SLFN12L: variants seen among roughly 807,000 people sequenced by gnomAD.
SLFN12L encodes the protein schlafen family member 12 like, also known as schlafen family member 12-like.
In SLFN12L, 34 loss-of-function variants were observed where a neutral mutation model predicts 34.8. The ratio of observed to expected loss-of-function variants is 0.98; its 90% confidence interval spans 0.74 to 1.30. SLFN12L has a LOEUF of 1.30. Among genes scored for constraint, SLFN12L ranks in the 50% most tolerant of loss-of-function variants. The pLI, the probability that SLFN12L is intolerant of heterozygous loss-of-function variation, is 0.00. For synonymous variants in SLFN12L, 259 were observed against 247.5 expected (o/e 1.05, Z -0.44); for missense variants, 703 against 696.2 (o/e 1.01, Z -0.11).
chr17:35,490,190 G>A (rs1914778137), intron 2 of SLFN12L: 2 of 1,602,274 alleles, frequency 1.2e-6, no homozygotes, highest in African/African-American at 2.7e-5. Context: ...ACCAGCGCTG[G>A]GACGAGGCGG....
chr17:35,503,703 T>C (rs890729927), intron 2 of SLFN12L, among the ~76,000 whole-genome samples: 2 of 152,138 alleles, frequency 1.3e-5, no homozygotes, highest in Non-Finnish European at 2.9e-5. Context: ...ACTTGCTTTA[T>C]CTTCCACTTT....
chr17:35,484,761 G>C (rs1914508867), intron 2 of SLFN12L, among the ~76,000 whole-genome samples: 3 of 152,142 alleles, frequency 2.0e-5, no homozygotes, highest in African/African-American at 7.2e-5. Flanking sequence ...CCAGGATGGT[G>C]CTGATAATGC....
At chr17:35,485,073 T>C (rs1274095289) in intron 2 of SLFN12L, among the ~76,000 whole-genome samples, 1 of 152,240 alleles carries the variant, frequency 6.6e-6, no homozygotes, top group African/African-American at 2.4e-5. Flanking sequence ...AAATCAATAG[T>C]AATGTCTCTT....
intron 2 of SLFN12L, among the ~76,000 whole-genome samples, chr17:35,493,277 T>C (rs1005017024): frequency 1.3e-5 from 2 of 152,220 alleles, no homozygotes; most frequent in African/African-American, 2.4e-5. Flanking sequence ...GTAAAGTGCC[T>C]ACTGGAAATG....
intron 1 of SLFN12L, among the ~76,000 whole-genome samples, chr17:35,528,926 A>AT (rs1324822955): frequency 6.6e-6 from 1 of 152,216 alleles, no homozygotes; most frequent in African/African-American, 2.4e-5. Flanking sequence ...ATGGGAAAAA[A>AT]TTTTTGCAAT....
At chr17:35,530,508 G>GAAAGAAAGAAAGAAAAGA (rs1555545979) in intron 1 of SLFN12L, among the ~76,000 whole-genome samples, 3 of 32,756 alleles carry the variant, frequency 9.2e-5, no homozygotes, top group Non-Finnish European at 2.6e-4. Flanking sequence ...AAGAAAGAAA[G>GAAAGAAAGAAAGAAAAGA]AAAGAAAAGA....
chr17:35,465,155 C>T lies in SLFN12L; in HGVS notation c.*9768G>A, dbSNP rs1913702845. Among the ~76,000 whole-genome samples, 1 of 152,228 alleles carries T rather than the reference C, an allele frequency of 6.6e-6. No individual in the cohort carries two copies. The highest frequency in any genetic ancestry group is 2.4e-5 in the African/African-American group (1 of 41,456). ...TCGGCCTCCCAAAGTGCTGGGATTA[C>T]AGGCGTGAGCCACCACGCCTGGCCA... On this transcript the variant is annotated 3_prime_UTR_variant, in exon 5 of 5. Coordinates refer to ENST00000628453, the MANE Select transcript of SLFN12L (RefSeq NM_001363830.2).
intron 2 of SLFN12L, among the ~76,000 whole-genome samples, chr17:35,519,252 A>G (rs933215259): frequency 3.9e-5 from 6 of 152,204 alleles, no homozygotes; most frequent in Non-Finnish European, 7.3e-5. Context: ...ACGGCTTAAA[A>G]TCTAGATGAC....
At chr17:35,476,797 A>T (rs561450970) in intron 4 of SLFN12L, among the ~76,000 whole-genome samples, 112 of 152,288 alleles carry the variant, frequency 7.4e-4, no homozygotes, top group African/African-American at 2.5e-3. Flanking sequence ...AAAAAAAAAA[A>T]AAATGTGTAA....
rs1223410504 is a variant in SLFN12L at position 35,471,899 on chromosome 17, T to G, written c.*3024A>C. 6.6e-6 allele frequency among the ~76,000 whole-genome samples: 1 copy of G among 152,168 alleles called. No individual in the cohort carries two copies. Among genetic ancestry groups the G allele is most frequent in the Non-Finnish European group, 1.5e-5 (1 of 68,022 alleles). On this transcript the variant is annotated 3_prime_UTR_variant, in exon 5 of 5. Coordinates refer to ENST00000628453, the MANE Select transcript of SLFN12L (RefSeq NM_001363830.2). ...GTCTATTCATATCCTTTATCCACTT[T>G]TCAATGGGGTTGTTTTTTCCTTGTA...
intron 1 of SLFN12L, among the ~76,000 whole-genome samples, chr17:35,530,486 A>C (rs1164386467): frequency 3.7e-5 from 2 of 53,922 alleles, no homozygotes; most frequent in African/African-American, 1.1e-4. Context: ...GAAAGAAAGA[A>C]AGAAAGAAAG....
intron 1 of SLFN12L, among the ~76,000 whole-genome samples, chr17:35,530,117 C>CTT (rs35836415): frequency 0.016 from 1,784 of 109,436 alleles, 35 homozygotes; most frequent in African/African-American, 0.032. Context: ...ACTGCTTTGT[C>CTT]TTTTTTTTTT....
intron 3 of SLFN12L, chr17:35,478,537 T>C (rs866173889): frequency 5.2e-5 from 10 of 193,620 alleles, no homozygotes; most frequent in Middle Eastern, 2.0e-3. Flanking sequence ...ATGCAGATTC[T>C]GAGGAACAAG....
At chr17:35,490,992 T>C in intron 2 of SLFN12L, 3 of 787,648 alleles carry the variant, frequency 3.8e-6, no homozygotes, top group Non-Finnish European at 2.3e-6. Flanking sequence ...TCAATTTCTA[T>C]GGGAAACCTT....
chr17:35,535,158 T>C (rs917336910), intron 1 of SLFN12L, among the ~76,000 whole-genome samples: 4 of 152,028 alleles, frequency 2.6e-5, no homozygotes, highest in South Asian at 2.1e-4. Flanking sequence ...AATGCTAGTG[T>C]TTCTAATCAA....
chr17:35,476,502 GAA>G (rs1423325059), intron 4 of SLFN12L, among the ~76,000 whole-genome samples: 7 of 148,964 alleles, frequency 4.7e-5, no homozygotes, highest in African/African-American at 1.8e-4. Flanking sequence ...AGGAAGGAAG[GAA>G]GGAAGGAAGG....
chr17:35,490,312 A>G (rs1054766234), intron 2 of SLFN12L: 10 of 1,452,028 alleles, frequency 6.9e-6, no homozygotes, highest in Non-Finnish European at 8.7e-6. Flanking sequence ...TAAGAAGTCC[A>G]GATACTCCAA....
At chr17:35,503,349 G>T (rs1915364534) in intron 2 of SLFN12L, among the ~76,000 whole-genome samples, 1 of 152,120 alleles carries the variant, frequency 6.6e-6, no homozygotes, top group Admixed American at 6.5e-5. Context: ...GCACTAACCT[G>T]CTCTTTAACA....
rs1254700048 is a variant in SLFN12L at position 35,469,607 on chromosome 17, T to C, written c.*5316A>G. Among the ~76,000 whole-genome samples, 1 of 152,068 alleles carries C rather than the reference T, an allele frequency of 6.6e-6. No homozygotes were observed. Among genetic ancestry groups the C allele is most frequent in the Non-Finnish European group, 1.5e-5 (1 of 68,018 alleles). ...TATTACCACCCCAGGTTTCTTACGA[T>C]GATGCCAAATAGGCCCAGGGGCAAT... is the stretch of plus-strand genomic sequence containing the variant. On this transcript the variant is annotated 3_prime_UTR_variant, in exon 5 of 5. Transcript: ENST00000628453.
Sources: allele counts gnomAD v4.1 joint callset (sites outside exome capture counted in the v4.1 genomes callset), GRCh38; gene constraint gnomAD v4.1.1; transcripts MANE v1.5; gene names NCBI Gene and HGNC (gene_info 2026-07-23, HGNC 2026-07-21).